The following CNTN5 variants were observed in gnomAD, a reference collection of about 807,000 sequenced individuals.
CNTN5 encodes the protein contactin-5.
Under a neutral mutation model 129.1 loss-of-function variants are expected in CNTN5, and 77 were observed. The observed-to-expected ratio is 0.60, with a 90% confidence interval of 0.50 to 0.72. The LOEUF (loss-of-function observed/expected upper bound fraction) is 0.72, where lower values mean the gene tolerates loss of function less well. CNTN5 is among the 30% of genes least tolerant of loss of function. The probability of loss-of-function intolerance (pLI) is 0.00; values close to 1 mark genes in which losing one functional copy is unlikely to be tolerated. For synonymous variants in CNTN5, 509 were observed against 465.6 expected (o/e 1.09, Z -1.20); for missense variants, 1,478 against 1,328.8 (o/e 1.11, Z -1.75).
intron 21 of CNTN5, among the ~76,000 whole-genome samples, chr11:100,320,796 C>T (rs1591512018): frequency 6.6e-6 from 1 of 152,092 alleles, no homozygotes; most frequent in Non-Finnish European, 1.5e-5. Context: ...TTTTGCAGAA[C>T]CATTTATTAA....
chr11:99,736,668 C>T (rs144486289), intron 3 of CNTN5, among the ~76,000 whole-genome samples: 16 of 152,090 alleles, frequency 1.1e-4, no homozygotes, highest in African/African-American at 3.1e-4. Context: ...TCATAATTAT[C>T]GAAGTGTGAA....
At chr11:99,593,334 G>A (rs550366898) in intron 3 of CNTN5, among the ~76,000 whole-genome samples, 1 of 152,072 alleles carries the variant, frequency 6.6e-6, no homozygotes, top group East Asian at 1.9e-4. Flanking sequence ...GGCCAACAAG[G>A]CACATAAGAC....
chr11:99,042,368 T>C (rs867024493), intron 1 of CNTN5, among the ~76,000 whole-genome samples: 38 of 106,906 alleles, frequency 3.6e-4, no homozygotes, highest in African/African-American at 1.6e-3. Context: ...TCTTCTTCTT[T>C]TTTTTTTTTT....
At chr11:99,343,760 C>T (rs1866628568) in intron 2 of CNTN5, among the ~76,000 whole-genome samples, 1 of 152,072 alleles carries the variant, frequency 6.6e-6, no homozygotes, top group Admixed American at 6.5e-5. Context: ...CATTTGACCA[C>T]ATTTCGACCT....
Position 99,073,103 on chromosome 11 carries a change from T to C in CNTN5, c.-210+51833T>C, listed in dbSNP as rs1865405343. 2.0e-5 allele frequency among the ~76,000 whole-genome samples: 3 copies of C among 152,182 alleles called. No homozygotes were observed. The South Asian group carries it at 6.2e-4, about 31-fold the overall frequency. ...CTCATTGCTATATAGTATTCCATAA[T>C]ATGGATTTAGTACAATTTATTTATT... is the stretch of plus-strand genomic sequence containing the variant. On this transcript the variant is annotated intron_variant, in intron 1 of 24. Transcript: ENST00000524871.
intron 3 of CNTN5, among the ~76,000 whole-genome samples, chr11:99,676,025 C>T (rs780863347): frequency 2.6e-5 from 4 of 152,180 alleles, no homozygotes; most frequent in African/African-American, 4.8e-5. Context: ...GTAGATGCCA[C>T]TCTTGTCTCA....
chr11:99,967,419 C>G (rs567175434), intron 8 of CNTN5, among the ~76,000 whole-genome samples: 147 of 152,248 alleles, frequency 9.7e-4, no homozygotes, highest in African/African-American at 3.3e-3. Flanking sequence ...GCAAACGTAA[C>G]TATCCTTGTG....
intron 3 of CNTN5, among the ~76,000 whole-genome samples, chr11:99,567,391 C>G (rs913171118): frequency 6.6e-6 from 1 of 152,016 alleles, no homozygotes; most frequent in Non-Finnish European, 1.5e-5. Context: ...ACTTTGACCC[C>G]ATTCTCCTCC....
At chr11:99,059,433 C>A (rs868689426) in intron 1 of CNTN5, among the ~76,000 whole-genome samples, 4 of 152,094 alleles carry the variant, frequency 2.6e-5, no homozygotes, top group African/African-American at 9.6e-5. Context: ...TACCAGCATG[C>A]AAACAGATTT....
intron 3 of CNTN5, among the ~76,000 whole-genome samples, chr11:99,743,279 T>C (rs1487569810): frequency 6.6e-6 from 1 of 152,206 alleles, no homozygotes; most frequent in African/African-American, 2.4e-5. Context: ...ATTTTTTGTT[T>C]AATCTTTAAT....
intron 1 of CNTN5, among the ~76,000 whole-genome samples, chr11:99,214,392 T>A (rs934953575): frequency 7.8e-6 from 1 of 127,850 alleles, no homozygotes. Flanking sequence ...TATATATGTA[T>A]ATAAATAAAT....
At chr11:99,523,843 G>A (rs1392515252) in intron 2 of CNTN5, among the ~76,000 whole-genome samples, 1 of 152,106 alleles carries the variant, frequency 6.6e-6, no homozygotes, top group Non-Finnish European at 1.5e-5. Context: ...AATGCCAAGT[G>A]GTTTCTTTAC....
At chr11:99,780,636 A>G (rs1375311330) in intron 3 of CNTN5, among the ~76,000 whole-genome samples, 1 of 152,104 alleles carries the variant, frequency 6.6e-6, no homozygotes, top group East Asian at 1.9e-4. Flanking sequence ...CAATATTAAA[A>G]TTTTAAGAAC....
At chr11:99,487,230 G>A (rs1945853689) in intron 2 of CNTN5, among the ~76,000 whole-genome samples, 1 of 152,220 alleles carries the variant, frequency 6.6e-6, no homozygotes, top group African/African-American at 2.4e-5. Context: ...ATACAGCAAG[G>A]CTGACACATT....
intron 2 of CNTN5, among the ~76,000 whole-genome samples, chr11:99,511,830 TTAAATAAA>T (rs968903175): frequency 1.3e-5 from 2 of 150,524 alleles, no homozygotes; most frequent in East Asian, 1.9e-4. Context: ...ATAATAAAAT[TTAAATAAA>T]TAAATAAATA....
intron 9 of CNTN5, among the ~76,000 whole-genome samples, chr11:100,052,119 A>T (rs140618482): frequency 9.9e-4 from 150 of 152,028 alleles, no homozygotes; most frequent in African/African-American, 3.4e-3. Flanking sequence ...TGAATGGGAT[A>T]AAAGAAAATA....
intron 7 of CNTN5, among the ~76,000 whole-genome samples, chr11:99,934,874 G>GTC (rs1950272906): frequency 3.0e-4 from 1 of 3,332 alleles, no homozygotes. Context: ...GACTCAGTCT[G>GTC]TGTGTGTGTG....
At chr11:100,237,420 G>C (rs998631284) in intron 16 of CNTN5, among the ~76,000 whole-genome samples, 6 of 152,030 alleles carry the variant, frequency 3.9e-5, no homozygotes, top group Non-Finnish European at 7.4e-5. Flanking sequence ...ATGTAGTCTG[G>C]TCCCAGAATG....
intron 1 of CNTN5, among the ~76,000 whole-genome samples, chr11:99,251,261 T>A (rs2135791557): frequency 6.6e-6 from 1 of 152,060 alleles, no homozygotes; most frequent in African/African-American, 2.4e-5. Context: ...TTATAAATAA[T>A]TTACTATAAG....
Sources: gnomAD v4.1 joint callset for allele counts (sites outside exome capture counted in the v4.1 genomes callset) on GRCh38, gnomAD v4.1.1 for gene constraint, MANE v1.5 for transcripts, NCBI Gene and HGNC (gene_info 2026-07-23, HGNC 2026-07-21) for gene names.